Variants in TTN observed in about 807,000 individuals in gnomAD.
TTN encodes connectin.
In TTN, 1,525 loss-of-function variants were observed where a neutral mutation model predicts 3,223.0. The observed-to-expected ratio is 0.47, with a 90% CI of 0.45 to 0.49. TTN has a LOEUF of 0.49. Among genes scored for constraint, TTN ranks in the 20% least tolerant of loss-of-function variants. The pLI is 0.00. For missense variants in TTN, 40,786 were observed against 43,424.0 expected, an observed-to-expected ratio of 0.94 and a Z score of 5.40; for synonymous variants, 14,094 against 15,161.0, an observed-to-expected ratio of 0.93 and a Z score of 5.17.
rs746004954 is a variant in TTN, at chr2:178,672,251, TTC to T, written c.34945_34946del (p.Glu11649ArgfsTer37). The T allele has an allele frequency of 6.3e-7, 1 of 1,575,366 alleles. No individual in the cohort carries two copies. The highest frequency in any genetic ancestry group is 1.8e-5 in the Admixed American group (1 of 54,188). ...GGCGGAAGGCAACTGATACTTTTTC[TTC>T]AAGGACAGTTCTCCCTGAAAGAGCA... is the stretch of plus-strand genomic sequence containing the variant. ...VPPAKGRTVL[E>X]EKVSVAFRQE... On this transcript the variant is annotated frameshift_variant, in exon 155 of 363. Coordinates refer to ENST00000589042, the MANE Select transcript of TTN (RefSeq NM_001267550.2). LOFTEE classifies it high-confidence loss of function.
At chr2:178,745,650 A>T (rs765225436) in intron 47 of TTN, 1 of 1,612,442 alleles carries the variant, frequency 6.2e-7, no homozygotes, top group Admixed American at 1.7e-5. Flanking sequence ...ACACACCTAT[A>T]CTCTCCTTCA....
Position 178,582,155 on chromosome 2 carries a change from T to A in TTN, c.66214A>T (p.Met22072Leu). The A allele has an allele frequency of 6.2e-7, 1 of 1,612,836 alleles. No individual in the cohort carries two copies. Among genetic ancestry groups the A allele is most frequent in the South Asian group, 1.1e-5 (1 of 91,058 alleles). Residue 22072 changes from methionine (M) to leucine (L), a missense_variant, in exon 315 of 363, where the codon ATG becomes TTG. Met to Leu is a conservative substitution (Grantham distance 15). Transcript: ENST00000589042. Reference sequence around the variant, plus strand: ...GCTGGTGGCTTCCAGCTGACTGTCATGTGATCTTTGGTTATGTTGCTAATA... The same window carrying A: ...GCTGGTGGCTTCCAGCTGACTGTCAAGTGATCTTTGGTTATGTTGCTAATA... ...PVISNITKDHMTVSWKPPADD... is the reference protein window; with the variant it reads ...PVISNITKDHLTVSWKPPADD...
Position 178,526,801 on chromosome 2 carries a change from T to A in TTN, c.*211A>T. 1 of 459,666 alleles carries A rather than the reference T, an allele frequency of 2.2e-6. No homozygotes were observed. The highest frequency in any genetic ancestry group is 3.8e-6 in the Non-Finnish European group (1 of 261,686). 28.5% of individuals were successfully genotyped at this position (459,666 alleles called of 1,614,324 possible). A position where few individuals can be genotyped will look rare whatever the true frequency, so the allele number is the denominator to read the frequency against. ...CTTTATAACCGTTAATCCGGCTATATACAGTATGTACATGTCACTAGCAAA... is the reference window on the plus strand; with the variant it reads ...CTTTATAACCGTTAATCCGGCTATAAACAGTATGTACATGTCACTAGCAAA... On this transcript the variant is annotated 3_prime_UTR_variant, in exon 363 of 363. Transcript: ENST00000589042.
Position 178,735,849 on chromosome 2 carries a change from G to T in TTN, c.14597C>A (p.Ser4866Tyr). Residue 4866 changes from serine to tyrosine, a missense_variant, in exon 50 of 363, where the codon TCT becomes TAT. By Grantham distance (144) the Ser-to-Tyr change is moderately radical. Coordinates refer to ENST00000589042, the MANE Select transcript of TTN (RefSeq NM_001267550.2). ...NLTIQDRGVY[S>Y]CKASNKFGAD... ...TCCAAACTTGTTGGAAGCCTTACAAGAATAAACTCCTCTATCTTGAATGGT... is the reference window on the plus strand; with the variant it reads ...TCCAAACTTGTTGGAAGCCTTACAATAATAAACTCCTCTATCTTGAATGGT... 1 of 1,613,810 alleles carries T rather than the reference G, an allele frequency of 6.2e-7. No individual in the cohort carries two copies. The highest frequency in any genetic ancestry group is 1.7e-5 in the Admixed American group (1 of 59,996).
chr2:178,576,047 A>G lies in TTN; in HGVS notation c.70085T>C (p.Ile23362Thr), dbSNP rs750943570. 3 of 1,613,514 alleles carry G rather than the reference A, an allele frequency of 1.9e-6. No individual in the cohort carries two copies. Among genetic ancestry groups the G allele is most frequent in the South Asian group, 2.2e-5 (2 of 91,062 alleles). ...RTLVVRAGLSIRIFVPIKGRP... is the reference protein window; with the variant it reads ...RTLVVRAGLSTRIFVPIKGRP... ...ACCTTTAATTGGCACAAATATCCTA[A>G]TACTGAGTCCTGCTCTAACAACAAG... Residue 23362 changes from isoleucine (I) to threonine (T), a missense_variant, in exon 326 of 363, where the codon ATT becomes ACT. By Grantham distance (89) the Ile-to-Thr change is moderately conservative (BLOSUM62 -1). Transcript: ENST00000589042. This position sits in a 1 kb window ranked among gnomAD's most constrained non-coding sequence, Gnocchi z 4.3.
rs1389317118 is a variant in TTN at position 178,575,450 on chromosome 2, C to T, written c.70682G>A (p.Gly23561Asp). The change falls in exon 326 of 363, where the codon GGC (glycine) becomes GAC (aspartate). Residue 23561 changes from glycine to aspartate, a missense_variant. Physicochemically the swap from Gly to Asp is moderately conservative, Grantham distance 94 (BLOSUM62 -1). Transcript: ENST00000589042. The surrounding 1 kb of genome is among the most constrained non-coding windows in gnomAD (Gnocchi z 4.0). ...LAWPKPKHDG[G>D]SKITGYVIEA... ...AATCACATAGCCAGTGATCTTGCTG[C>T]CACCATCGTGTTTGGGCTTAGGCCA... The T allele has an allele frequency of 1.2e-6, 2 of 1,613,598 alleles. No individual in the cohort carries two copies. The highest frequency in any genetic ancestry group is 1.7e-5 in the Admixed American group (1 of 60,002).
Position 178,539,245 on chromosome 2 carries a change from G to C in TTN, c.98690C>G (p.Pro32897Arg). Residue 32897 changes from proline to arginine, a missense_variant, in exon 353 of 363, where the codon CCA becomes CGA. Pro to Arg is a moderately radical substitution (Grantham distance 103, BLOSUM62 -2). Transcript: ENST00000589042. Reference protein sequence around the residue: ...PVTPKTPLNPPEPPSNPPEVL... With the variant: ...PVTPKTPLNPREPPSNPPEVL... ...TTCTGGAGGATTGCTTGGAGGTTCTGGAGGATCTGTAAATATAAGTGGAAA... is the reference window on the plus strand; with the variant it reads ...TTCTGGAGGATTGCTTGGAGGTTCTCGAGGATCTGTAAATATAAGTGGAAA... 1 of 1,612,732 alleles carries C rather than the reference G, an allele frequency of 6.2e-7. No homozygotes were observed. Among genetic ancestry groups the C allele is most frequent in the Non-Finnish European group, 8.5e-7 (1 of 1,178,996 alleles).
In TTN at chr2:178,777,768, T is replaced by C. The variant is rs746225077; in HGVS notation, c.4416A>G (p.Gln1472=). 6.2e-7 allele frequency: 1 copy of C among 1,614,096 alleles called. No individual in the cohort carries two copies. The highest frequency in any genetic ancestry group is 8.5e-7 in the Non-Finnish European group (1 of 1,179,966). Residue 1472 remains glutamine, a synonymous_variant, in exon 25 of 363, where the codon CAA becomes CAG. Coordinates refer to ENST00000589042, the MANE Select transcript of TTN (RefSeq NM_001267550.2). ...KPVSFKCLEG[Q]TARFDLKVVG... Reference sequence around the variant, plus strand: ...CAACCTTTAAGTCAAATCTGGCAGTTTGCCCTTCTAAACATTTGAAAGAAA... The same window carrying C: ...CAACCTTTAAGTCAAATCTGGCAGTCTGCCCTTCTAAACATTTGAAAGAAA...
chr2:178,778,814 C>T, intron 24 of TTN, 60 bp downstream of exon 24: 1 of 1,607,800 alleles, frequency 6.2e-7, no homozygotes, highest in South Asian at 1.1e-5. Flanking sequence ...CAATTTGCTA[C>T]TATTTGATGT....
Position 178,564,061 on chromosome 2 carries a change from T to G in TTN, c.82071A>C (p.Thr27357=). Residue 27357 remains threonine (T), a synonymous_variant, in exon 326 of 363, where the codon ACA becomes ACC. Transcript: ENST00000589042. Reference sequence around the variant, plus strand: ...CCTTTACAGTGATGGGTATAGACTTTGTACCACCAACATTGCTGAGTTTCA... The same window carrying G: ...CCTTTACAGTGATGGGTATAGACTTGGTACCACCAACATTGCTGAGTTTCA... The part of the protein sequence containing the change: ...YILKLSNVGG[T]KSIPITVKVL... The G allele has an allele frequency of 6.2e-7, 1 of 1,613,792 alleles. No individual in the cohort carries two copies. Among genetic ancestry groups the G allele is most frequent in the South Asian group, 1.1e-5 (1 of 91,084 alleles).
chr2:178,757,231 T>TCCTGTACTTACTTTAAGTA (rs2087536059), intron 45 of TTN, among the ~76,000 whole-genome samples: 1 of 148,874 alleles, frequency 6.7e-6, no homozygotes, highest in African/African-American at 2.5e-5. Context: ...TAAGTAATAA[T>TCCTGTACTTACTTTAAGTA]CAGCAAATAG....
chr2:178,625,240 T>G, intron 241 of TTN, 33 bp downstream of exon 241: 1 of 1,600,462 alleles, frequency 6.2e-7, no homozygotes, highest in Non-Finnish European at 8.5e-7. Context: ...GCCTCTGCCT[T>G]ATACATGTTT....
At chr2:178,745,363 A>T in intron 47 of TTN, 1 of 1,400,948 alleles carries the variant, frequency 7.1e-7, no homozygotes, top group South Asian at 1.5e-5. Context: ...ATTACACAGC[A>T]TGATTGACAC....
At position 178,807,317 on chromosome 2, in the gene TTN, G is replaced by A. The variant is rs569622252; in HGVS notation, c.-119C>T. 2 of 152,192 alleles carry A rather than the reference G, an allele frequency of 1.3e-5. No individual in the cohort carries two copies. Among genetic ancestry groups the A allele is most frequent in the South Asian group, 2.1e-4 (1 of 4,816 alleles). The allele number at this position is 152,192 out of a possible 1,614,324, so 9.4% of individuals were successfully genotyped here. The stretch of plus-strand genomic sequence containing the variant: ...TTTCTGACCATCTCCGACATGAATC[G>A]GTGAGCCTCTAATCCTAAAAACAAA... On this transcript the variant is annotated 5_prime_UTR_variant, in exon 1 of 363. Coordinates refer to ENST00000589042, the MANE Select transcript of TTN (RefSeq NM_001267550.2).
chr2:178,611,809 C>T lies in TTN; in HGVS notation c.50500G>A (p.Val16834Ile). Residue 16834 changes from valine to isoleucine, a missense_variant, in exon 268 of 363, where the codon GTT becomes ATT. Coordinates refer to ENST00000589042, the MANE Select transcript of TTN (RefSeq NM_001267550.2). ...TCTGTGGGTTCACTTGGGTGGCCAACTCCAGCTTCATTTTCAGCCCGAACC... is the reference window on the plus strand; with the variant it reads ...TCTGTGGGTTCACTTGGGTGGCCAATTCCAGCTTCATTTTCAGCCCGAACC... ...FQVRAENEAG[V>I]GHPSEPTEIL... 2.5e-6 allele frequency: 4 copies of T among 1,612,944 alleles called. No individual in the cohort carries two copies. Among genetic ancestry groups the T allele is most frequent in the South Asian group, 1.1e-5 (1 of 90,970 alleles).
intron 166 of TTN, 27 bp downstream of exon 166, chr2:178,664,825 T>C (rs150489005): frequency 1.3e-5 from 21 of 1,611,050 alleles, no homozygotes; most frequent in Non-Finnish European, 1.8e-5. Context: ...AGCTAGTTCT[T>C]GACCCTGAGA....
At chr2:178,677,492 T>C in intron 146 of TTN, 129 bp downstream of exon 146, 2 of 983,762 alleles carry the variant, frequency 2.0e-6, no homozygotes, top group Non-Finnish European at 2.9e-6. Flanking sequence ...TCTGGAATGT[T>C]TTCTAAGATT....
chr2:178,803,482 A>G (rs1024612547), intron 2 of TTN, among the ~76,000 whole-genome samples: 12 of 151,710 alleles, frequency 7.9e-5, no homozygotes, highest in African/African-American at 2.9e-4. Flanking sequence ...TGAAAAGGGA[A>G]TTTCATTGGT....
At chr2:178,558,970 C>T (rs924661345) in intron 326 of TTN, 3 of 362,914 alleles carry the variant, frequency 8.3e-6, no homozygotes, top group African/African-American at 2.2e-5. Flanking sequence ...TACACACGCA[C>T]ATACACACAT....
Sources: gnomAD v4.1 joint callset for allele counts (sites outside exome capture counted in the v4.1 genomes callset) on GRCh38, gnomAD v4.1.1 for gene constraint, Gnocchi (gnomAD v3.1) non-coding constraint, MANE v1.5 for transcripts, NCBI Gene and HGNC (gene_info 2026-07-23, HGNC 2026-07-21) for gene names.